COG3: variants seen among roughly 807,000 people sequenced by gnomAD.
COG3 encodes conserved oligomeric Golgi complex subunit 3.
COG3 carries 32 observed loss-of-function variants against 114.1 expected under a neutral mutation model. The observed-to-expected ratio is 0.28, with a 90% CI of 0.21 to 0.38. The LOEUF is 0.38. Among genes scored for constraint, COG3 ranks in the 10% least tolerant of loss-of-function variants. The probability of loss-of-function intolerance (pLI) is 1.00; values close to 1 mark genes in which losing one functional copy is unlikely to be tolerated. For missense variants in COG3, 813 were observed against 973.2 expected (o/e 0.84, Z 2.19); for synonymous variants, 352 against 365.7 (o/e 0.96, Z 0.43).
intron 19 of COG3, among the ~76,000 whole-genome samples, chr13:45,523,087 A>G (rs1872335483): frequency 6.6e-6 from 1 of 152,126 alleles, no homozygotes; most frequent in Admixed American, 6.5e-5. Context: ...CTTTAGCACA[A>G]AGTCTAAATT....
chr13:45,530,951 G>A, intron 22 of COG3, 171 bp downstream of exon 22: 1 of 983,430 alleles, frequency 1.0e-6, no homozygotes, highest in African/African-American at 1.7e-5. Flanking sequence ...AAACTTTTGG[G>A]GGATAGTTTT....
rs1443724407 is a variant in COG3, at chr13:45,486,547, A to G, written c.896A>G (p.Lys299Arg). Residue 299 changes from lysine to arginine, a missense_variant, in exon 8 of 23, where the codon AAA (lysine) becomes AGA (arginine). Lys to Arg is a conservative substitution (Grantham distance 26). Transcript: ENST00000349995. The part of the protein sequence containing the change: ...ADNAFTLFYV[K>R]FRAAAPKVRT... The stretch of plus-strand genomic sequence containing the variant: ...AATGCCTTCACATTATTTTATGTGA[A>G]ATTTCGAGCTGCTGCCCCCAAAGTC... 4.3e-6 allele frequency: 7 copies of G among 1,610,722 alleles called. No individual in the cohort carries two copies. The highest frequency in any genetic ancestry group is 3.3e-4 in the Middle Eastern group (2 of 6,082).
rs150918402 is a variant in COG3 at position 45,477,619 on chromosome 13, A to T, written c.321+1272A>T. ...CAGATCCAGGGCTAGCTGATACCAG[A>T]GTCCATATTCTCTTTTTTTTTTTTT... is the stretch of plus-strand genomic sequence containing the variant. On this transcript the variant is annotated intron_variant, in intron 2 of 22. Coordinates refer to ENST00000349995, the MANE Select transcript of COG3 (RefSeq NM_031431.4). Among the ~76,000 whole-genome samples, 102 of 149,720 alleles carry T rather than the reference A, an allele frequency of 6.8e-4. 1 individual carries two copies. The East Asian group carries it at 0.016, about 24-fold the overall frequency.
At chr13:45,530,571 A>G (rs1175737999) in intron 21 of COG3, 111 bp from the exon 22 acceptor site, 25 of 705,248 alleles carry the variant, frequency 3.5e-5, no homozygotes, top group Non-Finnish European at 5.4e-5. Context: ...TAATATCATG[A>G]AAGATACATC....
At chr13:45,519,287 G>A (rs1408419285) in intron 19 of COG3, among the ~76,000 whole-genome samples, 193 bp downstream of exon 19, 1 of 152,204 alleles carries the variant, frequency 6.6e-6, no homozygotes, top group East Asian at 1.9e-4. Context: ...TGCTTGCACA[G>A]TTTTTGTTTT....
intron 19 of COG3, among the ~76,000 whole-genome samples, chr13:45,524,144 T>C (rs1336926691): frequency 6.6e-6 from 1 of 152,166 alleles, no homozygotes; most frequent in African/African-American, 2.4e-5. Flanking sequence ...CCTAAATGTT[T>C]GTATGGCCTT....
chr13:45,511,077 A>G (rs1263677545), intron 15 of COG3, among the ~76,000 whole-genome samples: 1 of 152,204 alleles, frequency 6.6e-6, no homozygotes, highest in African/African-American at 2.4e-5. Flanking sequence ...GTCCTGGTCC[A>G]ACCACCATGC....
intron 16 of COG3, among the ~76,000 whole-genome samples, chr13:45,515,804 C>A (rs577187572): frequency 5.9e-5 from 9 of 152,326 alleles, no homozygotes; most frequent in Non-Finnish European, 8.8e-5. Flanking sequence ...CCTTTCTTTA[C>A]CTCCTCTGCT....
chr13:45,509,470 A>T (rs1436632342), intron 14 of COG3, among the ~76,000 whole-genome samples: 1 of 152,218 alleles, frequency 6.6e-6, no homozygotes, highest in African/African-American at 2.4e-5. Flanking sequence ...GAATGTATGT[A>T]TGTCCATATT....
At chr13:45,490,416 CTA>C (rs1886947550) in intron 8 of COG3, among the ~76,000 whole-genome samples, 1 of 152,118 alleles carries the variant, frequency 6.6e-6, no homozygotes, top group South Asian at 2.1e-4. Context: ...CTGGAACCCT[CTA>C]GTTTCACTCA....
In COG3 at chr13:45,485,235, C is replaced by T. The variant is rs1331804595; in HGVS notation, c.844-1260C>T. On this transcript the variant is annotated intron_variant, in intron 7 of 22. Coordinates refer to ENST00000349995, the MANE Select transcript of COG3 (RefSeq NM_031431.4). ...GCGGCTGGCCGGGCAGGGGGGCTGACCCCCCCCACCTCCCTCCCGGATGGG... is the reference window on the plus strand; with the variant it reads ...GCGGCTGGCCGGGCAGGGGGGCTGATCCCCCCCACCTCCCTCCCGGATGGG... 1.4e-3 allele frequency among the ~76,000 whole-genome samples: 87 copies of T among 60,762 alleles called. 1 individual carries two copies. The highest frequency in any genetic ancestry group is 1.9e-3 in the South Asian group (3 of 1,588). The allele number at this position is 60,762 out of a possible 152,430, so 39.9% of individuals were successfully genotyped here. A position where few individuals can be genotyped will look rare whatever the true frequency, so the allele number is the denominator to read the frequency against.
Position 45,465,014 on chromosome 13 carries a change from T to A in COG3, c.-23T>A. On this transcript the variant is annotated 5_prime_UTR_variant, in exon 1 of 23. Transcript: ENST00000349995. ...GGGGTCCCCTCCATCTCGCTGCTGC[T>A]GAAGGCCGCGAGGGCGGCGGCGATG... The A allele has an allele frequency of 6.4e-7, 1 of 1,550,480 alleles. No individual in the cohort carries two copies. Among genetic ancestry groups the A allele is most frequent in the Non-Finnish European group, 8.7e-7 (1 of 1,149,058 alleles).
chr13:45,474,324 A>AT (rs960842194), intron 1 of COG3, among the ~76,000 whole-genome samples: 5 of 150,208 alleles, frequency 3.3e-5, no homozygotes, highest in African/African-American at 4.9e-5. Context: ...TGCCCGGCTA[A>AT]TTTTTTTTTG....
intron 6 of COG3, among the ~76,000 whole-genome samples, chr13:45,482,833 T>A (rs1047922677): frequency 6.6e-6 from 1 of 152,176 alleles, no homozygotes; most frequent in Non-Finnish European, 1.5e-5. Context: ...AAACAGAAAG[T>A]GTTACTTGGG....
At chr13:45,498,062 T>C (rs1023155418) in intron 13 of COG3, among the ~76,000 whole-genome samples, 4 of 152,146 alleles carry the variant, frequency 2.6e-5, no homozygotes, top group African/African-American at 9.7e-5. Context: ...CTAAAAACAG[T>C]GTAGTTCCTT....
intron 22 of COG3, among the ~76,000 whole-genome samples, chr13:45,533,917 A>G (rs1464010547): frequency 6.6e-6 from 1 of 152,234 alleles, no homozygotes; most frequent in African/African-American, 2.4e-5. Flanking sequence ...TATAAATGAC[A>G]TCGGGGTGAT....
intron 22 of COG3, among the ~76,000 whole-genome samples, chr13:45,533,749 G>A (rs1873365181): frequency 1.3e-5 from 2 of 152,168 alleles, no homozygotes; most frequent in Non-Finnish European, 2.9e-5. Context: ...TTAACCTGGA[G>A]CAGTTAGACA....
In COG3 at chr13:45,535,352, T is replaced by C; in HGVS notation, c.*621T>C. On this transcript the variant is annotated 3_prime_UTR_variant, in exon 23 of 23. Transcript: ENST00000349995. ...AAGATACAAGGACTTTGTGTGAAGCTCCAGCATCTGTGCCCCTTGAATTGC... is the reference window on the plus strand; with the variant it reads ...AAGATACAAGGACTTTGTGTGAAGCCCCAGCATCTGTGCCCCTTGAATTGC... 2.0e-6 allele frequency: 2 copies of C among 985,460 alleles called. No individual in the cohort carries two copies. Among genetic ancestry groups the C allele is most frequent in the Non-Finnish European group, 2.4e-6 (2 of 829,944 alleles). 61.0% of individuals were successfully genotyped at this position (985,460 alleles called of 1,614,324 possible). A position where few individuals can be genotyped will look rare whatever the true frequency, so the allele number is the denominator to read the frequency against.
At chr13:45,467,334 G>A (rs1341290725) in intron 1 of COG3, among the ~76,000 whole-genome samples, 2 of 152,272 alleles carry the variant, frequency 1.3e-5, no homozygotes, top group Admixed American at 6.5e-5. Flanking sequence ...GCCCACGCCT[G>A]TAATTTCAGC....
Sources: allele counts gnomAD v4.1 joint callset (sites outside exome capture counted in the v4.1 genomes callset), GRCh38; gene constraint gnomAD v4.1.1; transcripts MANE v1.5; gene names NCBI Gene and HGNC (gene_info 2026-07-23, HGNC 2026-07-21).